The following SSBP2 variants were observed in gnomAD, a reference collection of about 807,000 sequenced individuals.
SSBP2 encodes single stranded DNA binding protein 2.
In SSBP2, 17 loss-of-function variants were observed where a neutral mutation model predicts 61.8. The observed-to-expected ratio is 0.28, with a 90% CI of 0.19 to 0.41. The LOEUF (loss-of-function observed/expected upper bound fraction) is 0.41, where lower values mean the gene tolerates loss of function less well. Ranked by LOEUF, SSBP2 falls within the 10% of genes least tolerant of loss-of-function variation. The pLI is 1.00. For synonymous variants in SSBP2, 139 were observed against 141.3 expected (o/e 0.98, Z 0.12); for missense variants, 310 against 458.7 (o/e 0.68, Z 2.96).
Position 81,414,562 on chromosome 5 carries a change from T to G in SSBP2, c.*5942A>C, listed in dbSNP as rs753700567. ...TGTGAAATAAGTTAATAATGCCAAT[T>G]CAGTTTCTTGTAAACAAATGTCTGT... On this transcript the variant is annotated 3_prime_UTR_variant, in exon 17 of 17. Transcript: ENST00000320672. 32 of 152,332 alleles carry G rather than the reference T, an allele frequency of 2.1e-4. No individual in the cohort carries two copies. The highest frequency in any genetic ancestry group is 1.3e-4 in the Non-Finnish European group (9 of 68,012). The allele number at this position is 152,332 out of a possible 1,614,324, so 9.4% of individuals were successfully genotyped here.
At position 81,581,469 on chromosome 5, in the gene SSBP2, C is replaced by G. The variant is rs114836877; in HGVS notation, c.282+34004G>C. Among the ~76,000 whole-genome samples the G allele has an allele frequency of 8.8e-3, 1,342 of 152,198 alleles. 13 individuals are homozygous for G. The highest frequency in any genetic ancestry group is 0.03 in the African/African-American group (1,253 of 41,514). ...AACCTGCAGAGCCAAGAGGAAAGATCCAGTAAGAACAAGAATAACTCTAAG... is the reference window on the plus strand; with the variant it reads ...AACCTGCAGAGCCAAGAGGAAAGATGCAGTAAGAACAAGAATAACTCTAAG... On this transcript the variant is annotated intron_variant, in intron 4 of 16. Coordinates refer to ENST00000320672, the MANE Select transcript of SSBP2 (RefSeq NM_012446.5).
At chr5:81,671,637 A>C (rs1751585539) in intron 1 of SSBP2, among the ~76,000 whole-genome samples, 1 of 152,194 alleles carries the variant, frequency 6.6e-6, no homozygotes, top group Admixed American at 6.6e-5. Flanking sequence ...ACAGTTTAGT[A>C]AGCTTCTATT....
intron 4 of SSBP2, among the ~76,000 whole-genome samples, chr5:81,544,266 C>T (rs1005489768): frequency 1.3e-5 from 2 of 152,142 alleles, no homozygotes; most frequent in African/African-American, 4.8e-5. Flanking sequence ...CCAGGCTGGT[C>T]TTCAACTCCT....
intron 15 of SSBP2, among the ~76,000 whole-genome samples, chr5:81,431,361 G>T (rs1762272533): frequency 1.3e-5 from 2 of 152,022 alleles, no homozygotes; most frequent in Non-Finnish European, 2.9e-5. Flanking sequence ...GGATTATACT[G>T]ATACCAACTT....
At chr5:81,682,831 C>T (rs1275527344) in intron 1 of SSBP2, among the ~76,000 whole-genome samples, 3 of 152,138 alleles carry the variant, frequency 2.0e-5, no homozygotes, top group South Asian at 2.1e-4. Context: ...TTGCAGAACA[C>T]AAGATTAACA....
intron 8 of SSBP2, among the ~76,000 whole-genome samples, chr5:81,469,286 TTGG>T (rs1006970392): frequency 2.0e-5 from 3 of 151,952 alleles, no homozygotes; most frequent in African/African-American, 7.2e-5. Flanking sequence ...TATAGGCTTG[TTGG>T]TGAATAAAAT....
At chr5:81,536,367 T>G (rs143944985) in intron 4 of SSBP2, among the ~76,000 whole-genome samples, 2 of 152,160 alleles carry the variant, frequency 1.3e-5, no homozygotes, top group Admixed American at 1.3e-4. Context: ...GTTTGTTAGA[T>G]AGGTAAACTT....
intron 4 of SSBP2, among the ~76,000 whole-genome samples, chr5:81,545,899 T>A (rs556808089): frequency 3.3e-5 from 5 of 152,300 alleles, no homozygotes; most frequent in Non-Finnish European, 7.4e-5. Flanking sequence ...GCTCCCAGAA[T>A]CCAATGTCCA....
intron 4 of SSBP2, among the ~76,000 whole-genome samples, chr5:81,549,587 T>G (rs901499246): frequency 1.1e-4 from 16 of 152,138 alleles, no homozygotes; most frequent in African/African-American, 3.9e-4. Context: ...GAAAGAACAG[T>G]GTACCTCATA....
intron 1 of SSBP2, among the ~76,000 whole-genome samples, chr5:81,662,492 C>G (rs1317533742): frequency 2.6e-5 from 4 of 151,726 alleles, no homozygotes; most frequent in Non-Finnish European, 5.9e-5. Context: ...AAAATTATTT[C>G]CAATTTACCT....
At chr5:81,462,825 T>C (rs1360775669) in intron 9 of SSBP2, among the ~76,000 whole-genome samples, 1 of 152,140 alleles carries the variant, frequency 6.6e-6, no homozygotes, top group Non-Finnish European at 1.5e-5. Context: ...AAGTACACCA[T>C]ATGCAGATCC....
chr5:81,448,639 A>G, intron 11 of SSBP2, 151 bp downstream of exon 11: 1 of 723,472 alleles, frequency 1.4e-6, no homozygotes, highest in East Asian at 2.8e-5. Flanking sequence ...GAACATCAAC[A>G]TATGTACTGA....
chr5:81,675,426 T>C (rs564778587), intron 1 of SSBP2, among the ~76,000 whole-genome samples: 19 of 152,308 alleles, frequency 1.2e-4, no homozygotes, highest in African/African-American at 4.3e-4. Context: ...ACAGGTGTGA[T>C]GTCTAGAGTT....
At chr5:81,645,265 G>T (rs1187631292) in intron 2 of SSBP2, among the ~76,000 whole-genome samples, 1 of 152,166 alleles carries the variant, frequency 6.6e-6, no homozygotes, top group Non-Finnish European at 1.5e-5. Context: ...CGAGAGACTG[G>T]TTAGGAAATA....
chr5:81,657,414 T>C (rs1306203586), intron 1 of SSBP2, among the ~76,000 whole-genome samples: 1 of 152,230 alleles, frequency 6.6e-6, no homozygotes, highest in African/African-American at 2.4e-5. Flanking sequence ...GAAATGTTCA[T>C]AATTCATTGC....
At chr5:81,713,349 C>T (rs552569348) in intron 1 of SSBP2, among the ~76,000 whole-genome samples, 1 of 151,526 alleles carries the variant, frequency 6.6e-6, no homozygotes, top group Non-Finnish European at 1.5e-5. Context: ...CCAACCCCAG[C>T]AAAAGACTTG....
rs1002196833 is a variant in SSBP2, at chr5:81,413,463, T to C, written c.*7041A>G. 1 of 152,210 alleles carries C rather than the reference T, an allele frequency of 6.6e-6. No individual in the cohort carries two copies. The highest frequency in any genetic ancestry group is 1.5e-5 in the Non-Finnish European group (1 of 68,022). 9.4% of individuals were successfully genotyped at this position (152,210 alleles called of 1,614,324 possible). A position where few individuals can be genotyped will look rare whatever the true frequency, so the allele number is the denominator to read the frequency against. On this transcript the variant is annotated 3_prime_UTR_variant, in exon 17 of 17. Coordinates refer to ENST00000320672, the MANE Select transcript of SSBP2 (RefSeq NM_012446.5). ...TATAAAAACCTTACAAATACTTCTA[T>C]TTTTCCAGGAAGATATTATAGGTAA...
At chr5:81,653,729 C>G (rs142786276) in intron 1 of SSBP2, among the ~76,000 whole-genome samples, 65 of 152,254 alleles carry the variant, frequency 4.3e-4, no homozygotes, top group African/African-American at 1.2e-3. Context: ...TGTTTGTTGG[C>G]TGCATAAATG....
At chr5:81,594,104 G>C (rs147629667) in intron 4 of SSBP2, among the ~76,000 whole-genome samples, 2 of 152,092 alleles carry the variant, frequency 1.3e-5, no homozygotes, top group African/African-American at 4.8e-5. Context: ...CCCATCTCAC[G>C]TGAAGAGACA....
Sources: allele counts gnomAD v4.1 joint callset (sites outside exome capture counted in the v4.1 genomes callset), GRCh38; gene constraint gnomAD v4.1.1; transcripts MANE v1.5; gene names NCBI Gene and HGNC (gene_info 2026-07-23, HGNC 2026-07-21).